The following EXT2 variants were observed in gnomAD, a reference collection of about 807,000 sequenced individuals.
The protein encoded by EXT2 is exostosin glycosyltransferase 2.
A neutral mutation model predicts 81.6 loss-of-function variants in EXT2; 53 were observed. The ratio of observed to expected loss-of-function variants is 0.65; its 90% CI spans 0.52 to 0.82. The LOEUF (loss-of-function observed/expected upper bound fraction) is 0.82, where lower values mean the gene tolerates loss of function less well. Among genes scored for constraint, EXT2 ranks in the 40% least tolerant of loss-of-function variants. The pLI is 0.00. For synonymous variants in EXT2, 320 were observed against 340.0 expected (o/e 0.94, Z 0.65); for missense variants, 774 against 910.2 (o/e 0.85, Z 1.93).
At chr11:44,098,099 A>G (rs1368796806) in intron 1 of EXT2, among the ~76,000 whole-genome samples, 1 of 152,092 alleles carries the variant, frequency 6.6e-6, no homozygotes, top group East Asian at 1.9e-4. Context: ...AGGTTATGGT[A>G]TTGTATGGAA....
At chr11:44,101,944 TAAAAA>T (rs71035677) in intron 1 of EXT2, among the ~76,000 whole-genome samples, 2 of 131,148 alleles carry the variant, frequency 1.5e-5, no homozygotes, top group Admixed American at 1.5e-4. Flanking sequence ...GTATAATCAG[TAAAAA>T]AAAAAAAAAA....
At chr11:44,238,908 G>T (rs1435385970) in intron 13 of EXT2, among the ~76,000 whole-genome samples, 1 of 152,176 alleles carries the variant, frequency 6.6e-6, no homozygotes, top group African/African-American at 2.4e-5. Context: ...CAAATAAGGA[G>T]CTAGATTTTT....
At chr11:44,230,519 AG>A (rs1177907723) in intron 10 of EXT2, among the ~76,000 whole-genome samples, 1 of 152,184 alleles carries the variant, frequency 6.6e-6, no homozygotes. Context: ...AAATGTTGTC[AG>A]GGTGACCCCT....
intron 7 of EXT2, among the ~76,000 whole-genome samples, chr11:44,132,912 C>T (rs1954514914): frequency 6.6e-6 from 1 of 152,208 alleles, no homozygotes; most frequent in South Asian, 2.1e-4. Flanking sequence ...CCTAACCCCA[C>T]ATTTCTAGAG....
At chr11:44,215,693 C>G (rs901579790) in intron 10 of EXT2, among the ~76,000 whole-genome samples, 13 of 151,990 alleles carry the variant, frequency 8.6e-5, no homozygotes, top group Admixed American at 3.3e-4. Context: ...TTTTCTGTAG[C>G]CTTTGTCATT....
intron 10 of EXT2, among the ~76,000 whole-genome samples, chr11:44,210,794 T>G (rs906170490): frequency 4.6e-5 from 7 of 152,212 alleles, no homozygotes; most frequent in African/African-American, 1.4e-4. Flanking sequence ...TAAAAAATGT[T>G]GCCGAGAGAA....
chr11:44,218,484 G>T (rs889443174), intron 10 of EXT2, among the ~76,000 whole-genome samples: 1 of 152,176 alleles, frequency 6.6e-6, no homozygotes, highest in Admixed American at 6.5e-5. Flanking sequence ...AAGAGGTGTT[G>T]TAGGTTTTTA....
chr11:44,141,316 T>TC (rs1248684969), intron 7 of EXT2, among the ~76,000 whole-genome samples: 1 of 152,196 alleles, frequency 6.6e-6, no homozygotes. Context: ...CAGTTTTTTT[T>TC]CCGAATATTT....
chr11:44,105,166 T>C (rs1343873583), intron 1 of EXT2, among the ~76,000 whole-genome samples: 1 of 152,198 alleles, frequency 6.6e-6, no homozygotes, highest in Non-Finnish European at 1.5e-5. Context: ...GAGAGCTCCA[T>C]TTATCCGAAG....
At chr11:44,119,386 G>A (rs1047058129) in intron 4 of EXT2, among the ~76,000 whole-genome samples, 1 of 151,910 alleles carries the variant, frequency 6.6e-6, no homozygotes, top group African/African-American at 2.4e-5. Context: ...GAGAAACCAG[G>A]CACAAGCCTT....
intron 7 of EXT2, 51 bp from the exon 8 acceptor site, chr11:44,171,560 T>C: frequency 6.2e-7 from 1 of 1,613,728 alleles, no homozygotes; most frequent in Non-Finnish European, 8.5e-7. Context: ...GTATCTAGTT[T>C]TCCCACTCTG....
At chr11:44,196,958 C>T (rs937301892) in intron 8 of EXT2, among the ~76,000 whole-genome samples, 10 of 152,312 alleles carry the variant, frequency 6.6e-5, no homozygotes, top group African/African-American at 2.4e-4. Flanking sequence ...TGAAGGCCAG[C>T]TTGTTGCCTG....
At chr11:44,105,478 G>C (rs1565195303) in intron 1 of EXT2, among the ~76,000 whole-genome samples, 2 of 152,130 alleles carry the variant, frequency 1.3e-5, no homozygotes, top group African/African-American at 4.8e-5. Context: ...TTTTAGTAGA[G>C]ACAGGGTTTC....
chr11:44,210,724 T>C (rs929001511), intron 10 of EXT2, among the ~76,000 whole-genome samples: 10 of 152,140 alleles, frequency 6.6e-5, no homozygotes, highest in African/African-American at 2.4e-4. Flanking sequence ...AGCAGTAGCA[T>C]AAAAACTGAA....
chr11:44,219,655 C>T (rs1226847681), intron 10 of EXT2, among the ~76,000 whole-genome samples: 1 of 152,166 alleles, frequency 6.6e-6, no homozygotes, highest in Non-Finnish European at 1.5e-5. Flanking sequence ...TGTTGGGAAT[C>T]CAGGAGGGTC....
chr11:44,109,805 A>G (rs866511415), intron 3 of EXT2, among the ~76,000 whole-genome samples: 2 of 152,048 alleles, frequency 1.3e-5, no homozygotes, highest in Non-Finnish European at 2.9e-5. Context: ...CGTTCCTTCC[A>G]GAAAAACCTT....
At chr11:44,167,178 G>A (rs1176570035) in intron 7 of EXT2, among the ~76,000 whole-genome samples, 1 of 152,110 alleles carries the variant, frequency 6.6e-6, no homozygotes, top group African/African-American at 2.4e-5. Context: ...TAAAGTATTT[G>A]GGATCTGAAA....
chr11:44,159,346 CT>C (rs142006509), intron 7 of EXT2, among the ~76,000 whole-genome samples: 1,590 of 150,460 alleles, frequency 0.011, 23 homozygotes, highest in African/African-American at 0.035. Flanking sequence ...TTTCTTCAGT[CT>C]TTTTTTTTCT....
At chr11:44,139,505 G>T (rs1469990349) in intron 7 of EXT2, among the ~76,000 whole-genome samples, 2 of 152,092 alleles carry the variant, frequency 1.3e-5, no homozygotes, top group East Asian at 3.9e-4. Context: ...TTCACATCCT[G>T]CAGAAAGGAG....
Sources: allele counts gnomAD v4.1 joint callset (sites outside exome capture counted in the v4.1 genomes callset), GRCh38; gene constraint gnomAD v4.1.1; transcripts MANE v1.5; gene names NCBI Gene and HGNC (gene_info 2026-07-23, HGNC 2026-07-21).